Variants in GALNT6 observed in about 807,000 individuals in gnomAD.
GALNT6 encodes polypeptide N-acetylgalactosaminyltransferase 6.
A neutral mutation model predicts 65.9 loss-of-function variants in GALNT6; 51 were observed. The ratio of observed to expected loss-of-function variants is 0.77; its 90% CI spans 0.62 to 0.98. The LOEUF (loss-of-function observed/expected upper bound fraction) is 0.98, where lower values mean the gene tolerates loss of function less well. GALNT6 is among the 50% of genes least tolerant of loss of function. The probability of loss-of-function intolerance (pLI) is 0.00; values close to 1 mark genes in which losing one functional copy is unlikely to be tolerated. For synonymous variants in GALNT6, 323 were observed against 315.1 expected (o/e 1.02, Z -0.26); for missense variants, 708 against 803.3 (o/e 0.88, Z 1.43).
chr12:51,355,122 T>G (rs1023950239), intron 11 of GALNT6, among the ~76,000 whole-genome samples: 4 of 152,192 alleles, frequency 2.6e-5, no homozygotes, highest in Non-Finnish European at 5.9e-5. Context: ...ACAGTGACTA[T>G]TCCTGCTTGG....
chr12:51,390,162 T>TCTTTCTTTCTTTA (rs1565741219), intron 2 of GALNT6, among the ~76,000 whole-genome samples: 1 of 113,384 alleles, frequency 8.8e-6, no homozygotes, highest in African/African-American at 3.1e-5. Flanking sequence ...CTTTCTTTTT[T>TCTTTCTTTCTTTA]TTTTTTTTTT....
In GALNT6 at chr12:51,379,808, T is replaced by A. The variant is rs1370545953; in HGVS notation, c.-27A>T. On this transcript the variant is annotated 5_prime_UTR_variant, in exon 3 of 12. Coordinates refer to ENST00000356317, the MANE Select transcript of GALNT6 (RefSeq NM_007210.4). ...CTCCAGAACCAAGGGGCACCCCAGC[T>A]GCGTCAGCTCTGAGTCCTGAGCCCA... The A allele has an allele frequency of 1.3e-6, 2 of 1,581,368 alleles. No homozygotes were observed. The highest frequency in any genetic ancestry group is 2.2e-5 in the South Asian group (2 of 88,894).
chr12:51,380,660 G>A (rs762873353), intron 2 of GALNT6, among the ~76,000 whole-genome samples: 16 of 152,302 alleles, frequency 1.1e-4, no homozygotes, highest in Non-Finnish European at 2.2e-4. Context: ...GCGTGGTAGC[G>A]CATGCCTGTA....
chr12:51,379,990 C>T (rs1187505581), intron 2 of GALNT6, 106 bp from the exon 3 acceptor site: 4 of 576,904 alleles, frequency 6.9e-6, no homozygotes, highest in Non-Finnish European at 9.2e-6. Context: ...GGTGGCATCA[C>T]CTTATTGGCC....
At chr12:51,382,149 C>G (rs906245633) in intron 2 of GALNT6, among the ~76,000 whole-genome samples, 2 of 152,198 alleles carry the variant, frequency 1.3e-5, no homozygotes, top group African/African-American at 2.4e-5. Flanking sequence ...TTTGTATTAA[C>G]TATTGTCTAG....
chr12:51,379,941 C>A lies in GALNT6; in HGVS notation c.-103-57G>T, dbSNP rs544719814. On this transcript the variant is annotated intron_variant, in intron 2 of 11. Transcript: ENST00000356317. ...AGCCAACACAGGGTAAGGAGGGAGTCGGGTGCTTGGGGTTCGAGGCCAGGC... is the reference window on the plus strand; with the variant it reads ...AGCCAACACAGGGTAAGGAGGGAGTAGGGTGCTTGGGGTTCGAGGCCAGGC... The A allele has an allele frequency of 1.2e-5, 9 of 754,652 alleles. No homozygotes were observed. The South Asian group carries it at 1.8e-4, about 15-fold the overall frequency. The allele number at this position is 754,652 out of a possible 1,614,324, so 46.7% of individuals were successfully genotyped here. A position where few individuals can be genotyped will look rare whatever the true frequency, so the allele number is the denominator to read the frequency against.
At chr12:51,389,762 T>C (rs1333025692) in intron 2 of GALNT6, among the ~76,000 whole-genome samples, 1 of 152,212 alleles carries the variant, frequency 6.6e-6, no homozygotes, top group African/African-American at 2.4e-5. Context: ...ATGCTCATAT[T>C]TCCTGTCCCC....
At chr12:51,365,636 C>A in intron 4 of GALNT6, 57 bp from the exon 5 acceptor site, 1 of 1,557,988 alleles carries the variant, frequency 6.4e-7, no homozygotes, top group Non-Finnish European at 8.8e-7. Flanking sequence ...ACCCAATCCC[C>A]TGTGGGCACC....
chr12:51,380,447 G>A (rs1947626407), intron 2 of GALNT6, among the ~76,000 whole-genome samples: 1 of 152,248 alleles, frequency 6.6e-6, no homozygotes, highest in Admixed American at 6.5e-5. Flanking sequence ...CAATGTGGAT[G>A]TGTTGTTGGG....
Position 51,359,322 on chromosome 12 carries a change from C to T in GALNT6, c.1178G>A (p.Cys393Tyr), listed in dbSNP as rs767953969. The T allele has an allele frequency of 3.1e-6, 5 of 1,610,292 alleles. No individual in the cohort carries two copies. The highest frequency in any genetic ancestry group is 4.2e-6 in the Non-Finnish European group (5 of 1,178,064). Reference sequence around the variant, plus strand: ...GGGGATGATCTCCAGCTGGCCCCCACACTGCCACACCTGATGTAAGAGGAG... The same window carrying T: ...GGGGATGATCTCCAGCTGGCCCCCATACTGCCACACCTGATGTAAGAGGAG... ...NVEMSFRVWQ[C>Y]GGQLEIIPCS... The change falls in exon 8 of 12, where the codon TGT becomes TAT. Residue 393 changes from cysteine to tyrosine, a missense_variant. Transcript: ENST00000356317.
At chr12:51,386,060 G>T (rs558723497) in intron 2 of GALNT6, among the ~76,000 whole-genome samples, 25 of 152,304 alleles carry the variant, frequency 1.6e-4, no homozygotes, top group African/African-American at 5.8e-4. Context: ...TGGAGCACTG[G>T]CTTCACTAAA....
Position 51,377,232 on chromosome 12 carries a change from G to C in GALNT6, c.627C>G (p.Leu209=). 1 of 1,613,866 alleles carries C rather than the reference G, an allele frequency of 6.2e-7. No individual in the cohort carries two copies. The highest frequency in any genetic ancestry group is 8.5e-7 in the Non-Finnish European group (1 of 1,180,022). ...CATCATCCACCAGTATGATCTCCTT[G>C]AGCAAGATGGCAGGGGTGGTGTGTA... ...SVLHTTPAIL[L]KEIILVDDAS... is the part of the protein sequence containing the mutation. Residue 209 remains leucine, a synonymous_variant, in exon 4 of 12, where the codon CTC becomes CTG. Transcript: ENST00000356317.
chr12:51,369,220 T>C (rs1302703597), intron 4 of GALNT6, among the ~76,000 whole-genome samples: 1 of 152,166 alleles, frequency 6.6e-6, no homozygotes, highest in Admixed American at 6.5e-5. Context: ...CCCCGAGCAC[T>C]ACAAAGCCCT....
intron 4 of GALNT6, among the ~76,000 whole-genome samples, chr12:51,375,945 A>G (rs1947439680): frequency 6.7e-6 from 1 of 150,082 alleles, no homozygotes; most frequent in African/African-American, 2.5e-5. Context: ...ACTGCAGCCT[A>G]CGCCTCCCGG....
chr12:51,359,191 C>T lies in GALNT6; in HGVS notation c.1309G>A (p.Asp437Asn), dbSNP rs1168578686. ...CTATAGAAAATCTTCTTGTAGCTGT[C>T]CATCCAGACCTCTGCCAGGCGCACT... is the stretch of plus-strand genomic sequence containing the variant. ...NQVRLAEVWMDSYKKIFYRRN... is the reference protein window; with the variant it reads ...NQVRLAEVWMNSYKKIFYRRN... The change falls in exon 8 of 12, where the codon GAC (aspartate) becomes AAC (asparagine). Residue 437 changes from aspartate to asparagine, a missense_variant. By Grantham distance (23) the Asp-to-Asn change is conservative. Transcript: ENST00000356317. 3 of 1,614,050 alleles carry T rather than the reference C, an allele frequency of 1.9e-6. No individual in the cohort carries two copies. The highest frequency in any genetic ancestry group is 1.6e-4 in the Middle Eastern group (1 of 6,084).
At chr12:51,368,395 G>GTTTTTTT (rs34661831) in intron 4 of GALNT6, among the ~76,000 whole-genome samples, 1 of 135,734 alleles carries the variant, frequency 7.4e-6, no homozygotes, top group Non-Finnish European at 1.6e-5. Flanking sequence ...TTTTTTCCAT[G>GTTTTTTT]TTTTTTTTTT....
Position 51,354,484 on chromosome 12 carries a change from G to A in GALNT6, c.1764C>T (p.Leu588=), listed in dbSNP as rs540206015. ...AGGTACCAGATCCTGAGTTCCTGATGAGCTGATCCTAAAAGATGACAAAGC... is the reference window on the plus strand; with the variant it reads ...AGGTACCAGATCCTGAGTTCCTGATAAGCTGATCCTAAAAGATGACAAAGC... ...DEEWELAQDQ[L]IRNSGSGTCL... is the part of the protein sequence containing the mutation. Residue 588 remains leucine (L), a synonymous_variant, in exon 12 of 12, where the codon CTC becomes CTT. Transcript: ENST00000356317. 3 of 1,594,316 alleles carry A rather than the reference G, an allele frequency of 1.9e-6. No homozygotes were observed. In the South Asian group the frequency reaches 3.4e-5, roughly 18 times the overall value.
At chr12:51,373,377 C>T (rs1396926301) in intron 4 of GALNT6, among the ~76,000 whole-genome samples, 1 of 152,182 alleles carries the variant, frequency 6.6e-6, no homozygotes, top group Non-Finnish European at 1.5e-5. Flanking sequence ...ATAGTAAGTT[C>T]TCACGAAATC....
At chr12:51,390,171 T>C (rs1948002857) in intron 2 of GALNT6, among the ~76,000 whole-genome samples, 1 of 147,528 alleles carries the variant, frequency 6.8e-6, no homozygotes, top group Non-Finnish European at 1.5e-5. Context: ...TTTTTTTTTT[T>C]TTTTTTTTGA....
Sources: allele counts gnomAD v4.1 joint callset (sites outside exome capture counted in the v4.1 genomes callset), GRCh38; gene constraint gnomAD v4.1.1; transcripts MANE v1.5; gene names NCBI Gene and HGNC (gene_info 2026-07-23, HGNC 2026-07-21).